Variants in NLGN1 observed in about 807,000 individuals in gnomAD.
NLGN1 encodes the protein neuroligin-1.
In NLGN1, 12 loss-of-function variants were observed where a neutral mutation model predicts 65.5. The observed-to-expected ratio is 0.18, with a 90% CI of 0.12 to 0.30. The LOEUF is 0.30. Ranked by LOEUF, NLGN1 falls within the 10% of genes least tolerant of loss-of-function variation. NLGN1 has a pLI of 1.00. For synonymous variants in NLGN1, 350 were observed against 359.5 expected (o/e 0.97, Z 0.30); for missense variants, 750 against 1,007.1 (o/e 0.74, Z 3.46).
At chr3:173,759,136 A>G (rs1777579568) in intron 3 of NLGN1, among the ~76,000 whole-genome samples, 1 of 151,686 alleles carries the variant, frequency 6.6e-6, no homozygotes, top group Non-Finnish European at 1.5e-5. Context: ...CCTAACATGA[A>G]TTTTTCCTTA....
At chr3:173,626,792 T>A (rs1269672677) in intron 3 of NLGN1, among the ~76,000 whole-genome samples, 1 of 152,116 alleles carries the variant, frequency 6.6e-6, no homozygotes. Flanking sequence ...TGTCACACCT[T>A]TTCTTCGGGA....
chr3:173,435,965 G>T (rs1718065561), intron 2 of NLGN1, among the ~76,000 whole-genome samples: 1 of 152,174 alleles, frequency 6.6e-6, no homozygotes, highest in Non-Finnish European at 1.5e-5. Flanking sequence ...GGGTCAGAAA[G>T]AACCACTGAT....
Position 173,797,693 on chromosome 3 carries a change from C to CAAAAAAA in NLGN1, c.494-9985_494-9984insAAAAAAA, listed in dbSNP as rs1312419518. Reference sequence around the variant, plus strand: ...AAAACAAAAAATAAAACAACAACAACAACAACAAAAAAAAACAAGAAACAA... The same window carrying CAAAAAAA: ...AAAACAAAAAATAAAACAACAACAACAAAAAAAAACAACAAAAAAAAACAAGAAACAA... On this transcript the variant is annotated intron_variant, in intron 3 of 6. Coordinates refer to ENST00000457714, the Ensembl canonical transcript of NLGN1. Among the ~76,000 whole-genome samples, 60 of 56,424 alleles carry CAAAAAAA rather than the reference C, an allele frequency of 1.1e-3. 1 individual carries two copies. Among genetic ancestry groups the CAAAAAAA allele is most frequent in the African/African-American group, 3.0e-3 (56 of 18,780 alleles). The allele number at this position is 56,424 out of a possible 152,430, so 37.0% of individuals were successfully genotyped here.
At chr3:174,012,538 A>G (rs1460830867) in intron 4 of NLGN1, among the ~76,000 whole-genome samples, 2 of 152,096 alleles carry the variant, frequency 1.3e-5, no homozygotes, top group African/African-American at 4.8e-5. Context: ...AAGGGTACCT[A>G]TTACCCAGTC....
chr3:173,688,327 T>C (rs1413069171), intron 3 of NLGN1, among the ~76,000 whole-genome samples: 1 of 152,186 alleles, frequency 6.6e-6, no homozygotes, highest in African/African-American at 2.4e-5. Flanking sequence ...AATCCTCTTA[T>C]TTCATTTGCT....
At chr3:173,872,229 TTGAC>T (rs936904033) in intron 4 of NLGN1, among the ~76,000 whole-genome samples, 36 of 152,166 alleles carry the variant, frequency 2.4e-4, no homozygotes, top group African/African-American at 7.5e-4. Context: ...ACGATTTGAT[TTGAC>T]TGACTGACTG....
chr3:174,273,464 A>C (rs192266627), intron 4 of NLGN1, among the ~76,000 whole-genome samples: 4 of 151,830 alleles, frequency 2.6e-5, no homozygotes, highest in Admixed American at 2.0e-4. Flanking sequence ...ACTCTGTCTT[A>C]TACCAAAGTT....
At chr3:173,721,955 G>A (rs1225326685) in intron 3 of NLGN1, among the ~76,000 whole-genome samples, 2 of 151,148 alleles carry the variant, frequency 1.3e-5, no homozygotes, top group African/African-American at 4.9e-5. Context: ...AAAAAAAAAG[G>A]GACCCCAGTG....
intron 4 of NLGN1, among the ~76,000 whole-genome samples, chr3:173,915,853 AT>A (rs1740626996): frequency 6.6e-6 from 1 of 151,266 alleles, no homozygotes; most frequent in African/African-American, 2.4e-5. Context: ...TTTTTTTCAT[AT>A]TTATGCTCAT....
intron 3 of NLGN1, among the ~76,000 whole-genome samples, chr3:173,744,100 G>A (rs1775025456): frequency 6.6e-6 from 1 of 152,060 alleles, no homozygotes. Flanking sequence ...ATGGATTGGG[G>A]CCAAACTAAT....
At chr3:174,048,674 G>A (rs1373693914) in intron 4 of NLGN1, among the ~76,000 whole-genome samples, 1 of 151,864 alleles carries the variant, frequency 6.6e-6, no homozygotes, top group African/African-American at 2.4e-5. Flanking sequence ...TGAAAGAGGA[G>A]CCAACAAGGT....
chr3:173,545,236 G>A (rs527362612), intron 2 of NLGN1, among the ~76,000 whole-genome samples: 2 of 152,050 alleles, frequency 1.3e-5, no homozygotes, highest in African/African-American at 4.8e-5. Flanking sequence ...CACCACACCC[G>A]GCTAATTTTG....
chr3:173,600,906 T>C (rs1750422626), intron 2 of NLGN1, among the ~76,000 whole-genome samples: 1 of 151,978 alleles, frequency 6.6e-6, no homozygotes, highest in Admixed American at 6.6e-5. Context: ...TATCTAATGT[T>C]CTCCCTACTC....
intron 4 of NLGN1, among the ~76,000 whole-genome samples, chr3:174,227,135 G>C (rs769203320): frequency 3.3e-5 from 5 of 152,104 alleles, no homozygotes; most frequent in Non-Finnish European, 5.9e-5. Flanking sequence ...AGAAATCATT[G>C]TACTTAACCT....
chr3:173,844,803 T>A (rs751581393), intron 4 of NLGN1, among the ~76,000 whole-genome samples: 3 of 152,228 alleles, frequency 2.0e-5, no homozygotes, highest in Non-Finnish European at 4.4e-5. Flanking sequence ...CAAATTTTAT[T>A]GAGCCTGTAG....
At chr3:173,398,447 C>T (rs1271281892), upstream of NLGN1, 1 of 152,164 alleles carries the variant, frequency 6.6e-6, no homozygotes. Flanking sequence ...AACATTTAAA[C>T]CGTTCTCCAC....
At chr3:173,682,230 A>G (rs1298398694) in intron 3 of NLGN1, among the ~76,000 whole-genome samples, 1 of 152,098 alleles carries the variant, frequency 6.6e-6, no homozygotes, top group Non-Finnish European at 1.5e-5. Context: ...AATAATAACT[A>G]TTGTTATTAT....
rs946488542 is a variant in NLGN1, at chr3:173,731,081, T to C, written c.494-76599T>C. ...CCGTATAATCTGTGACTGTTTTCAT[T>C]CCGATATCATTCACATAGAGTCTTA... On this transcript the variant is annotated intron_variant, in intron 3 of 6. Coordinates refer to ENST00000457714, the Ensembl canonical transcript of NLGN1. Among the ~76,000 whole-genome samples the C allele has an allele frequency of 4.6e-5, 7 of 152,214 alleles. No individual in the cohort carries two copies. In the East Asian group the frequency reaches 1.2e-3, roughly 25 times the overall value.
intron 2 of NLGN1, among the ~76,000 whole-genome samples, chr3:173,476,995 C>T (rs931085526): frequency 6.6e-6 from 1 of 151,982 alleles, no homozygotes; most frequent in Non-Finnish European, 1.5e-5. Flanking sequence ...GGAGGAAGAA[C>T]AGATTGTAGA....
Sources: allele counts gnomAD v4.1 joint callset (sites outside exome capture counted in the v4.1 genomes callset), GRCh38; gene constraint gnomAD v4.1.1; transcripts MANE v1.5; gene names NCBI Gene and HGNC (gene_info 2026-07-23, HGNC 2026-07-21).